Variants in VPS35 observed in about 807,000 individuals in gnomAD.
VPS35 encodes the protein vacuolar protein sorting-associated protein 35.
Under a neutral mutation model 98.1 loss-of-function variants are expected in VPS35, and 21 were observed. The observed-to-expected ratio is 0.21, with a 90% CI of 0.15 to 0.31. The LOEUF (loss-of-function observed/expected upper bound fraction) is 0.31, where lower values mean the gene tolerates loss of function less well. Among genes scored for constraint, VPS35 ranks in the 10% least tolerant of loss-of-function variants. VPS35 has a pLI of 1.00. For missense variants in VPS35, 554 were observed against 950.8 expected (o/e 0.58, Z 5.49); for synonymous variants, 268 against 318.2 (o/e 0.84, Z 1.68).
At chr16:46,688,834 A>C in intron 1 of VPS35, 2 of 1,397,764 alleles carry the variant, frequency 1.4e-6, no homozygotes, top group Non-Finnish European at 1.9e-6. Context: ...GATTCCACTT[A>C]AAGGAGGCCG....
chr16:46,678,305 TAAAAAAAAA>T (rs58288436), intron 6 of VPS35, among the ~76,000 whole-genome samples: 1,515 of 119,312 alleles, frequency 0.013, 28 homozygotes, highest in African/African-American at 0.036. Flanking sequence ...TGATGAGCTT[TAAAAAAAAA>T]AAAAAAAAAA....
intron 13 of VPS35, among the ~76,000 whole-genome samples, chr16:46,664,533 T>A (rs1450725144): frequency 2.0e-5 from 3 of 151,950 alleles, no homozygotes; most frequent in Non-Finnish European, 4.4e-5. Flanking sequence ...TTCTTTTTTT[T>A]TTTTTGAGAA....
At chr16:46,672,179 C>G in intron 11 of VPS35, 86 bp downstream of exon 11, 1 of 1,150,166 alleles carries the variant, frequency 8.7e-7, no homozygotes. Flanking sequence ...TATTGAATTA[C>G]CCTCCCCTCC....
rs533970325 is a variant in VPS35 at position 46,658,679 on chromosome 16, C to T, written c.*1793G>A. The T allele has an allele frequency of 1.3e-4, 20 of 152,468 alleles. No homozygotes were observed. The highest frequency in any genetic ancestry group is 5.2e-4 in the Admixed American group (8 of 15,290). The allele number at this position is 152,468 out of a possible 1,614,324, so 9.4% of individuals were successfully genotyped here. A position where few individuals can be genotyped will look rare whatever the true frequency, so the allele number is the denominator to read the frequency against. On this transcript the variant is annotated 3_prime_UTR_variant, in exon 17 of 17. Transcript: ENST00000299138. ...ATGTCAAGCCATAATCAGGTTTATA[C>T]GGGGTAAACTAACACCTACAAAGAA... is the stretch of plus-strand genomic sequence containing the variant.
chr16:46,669,020 A>G lies in VPS35; in HGVS notation c.1557T>C (p.Ala519=), dbSNP rs1463376876. ...TGAAGCGAATCCGCTGATTTCCACC[A>G]GCTCCAAAATGTTTTCGTGCTGTGT... ...ILNTARKHFG[A]GGNQRIRFTL... The change falls in exon 13 of 17, where the codon GCT becomes GCC. Residue 519 remains alanine (A), a synonymous_variant. Coordinates refer to ENST00000299138, the MANE Select transcript of VPS35 (RefSeq NM_018206.6). 2 of 1,614,202 alleles carry G rather than the reference A, an allele frequency of 1.2e-6. No homozygotes were observed. Among genetic ancestry groups the G allele is most frequent in the Non-Finnish European group, 1.7e-6 (2 of 1,180,032 alleles).
rs138023096 is a variant in VPS35, at chr16:46,667,410, G to A, written c.1647+1520C>T. Among the ~76,000 whole-genome samples, 27 of 152,178 alleles carry A rather than the reference G, an allele frequency of 1.8e-4. No homozygotes were observed. The East Asian group carries it at 5.0e-3, about 28-fold the overall frequency. On this transcript the variant is annotated intron_variant, in intron 13 of 16. Transcript: ENST00000299138. Reference sequence around the variant, plus strand: ...AATATTCTCCCCCATTCCATTGCCTGTCTCTTCACTCTGCTGATTGTTTCC... The same window carrying A: ...AATATTCTCCCCCATTCCATTGCCTATCTCTTCACTCTGCTGATTGTTTCC...
rs143556068 is a variant in VPS35 at position 46,671,876 on chromosome 16, C to A, written c.1369-16G>T. The A allele has an allele frequency of 2.6e-5, 42 of 1,611,832 alleles. No individual in the cohort carries two copies. Among genetic ancestry groups the A allele is most frequent in the Non-Finnish European group, 3.4e-5 (40 of 1,179,796 alleles). Reference sequence around the variant, plus strand: ...TGGAATCCACCTGTAACATGCGAGGCACAAGAAACCCACTGAGGTGAAACC... The same window carrying A: ...TGGAATCCACCTGTAACATGCGAGGAACAAGAAACCCACTGAGGTGAAACC... On this transcript the variant is annotated splice_polypyrimidine_tract_variant and intron_variant, in intron 11 of 16. Transcript: ENST00000299138.
At chr16:46,685,580 C>A (rs1966298091) in intron 1 of VPS35, among the ~76,000 whole-genome samples, 1 of 152,246 alleles carries the variant, frequency 6.6e-6, no homozygotes, top group South Asian at 2.1e-4. Flanking sequence ...TTAAAGGGAA[C>A]ATGAATTTAA....
intron 1 of VPS35, among the ~76,000 whole-genome samples, chr16:46,687,446 C>A (rs1966334344): frequency 6.6e-6 from 1 of 152,206 alleles, no homozygotes; most frequent in Admixed American, 6.5e-5. Flanking sequence ...AATACCTTTT[C>A]TTTCCACCTG....
At chr16:46,688,550 C>T in intron 1 of VPS35, 1 of 993,046 alleles carries the variant, frequency 1.0e-6, no homozygotes, top group Non-Finnish European at 1.2e-6. Flanking sequence ...AGAAGACAGC[C>T]TGAGTCCTTC....
At position 46,659,487 on chromosome 16, in the gene VPS35, G is replaced by C. The variant is rs542697419; in HGVS notation, c.*985C>G. The C allele has an allele frequency of 2.0e-5, 3 of 152,082 alleles. No individual in the cohort carries two copies. Among genetic ancestry groups the C allele is most frequent in the Non-Finnish European group, 2.9e-5 (2 of 68,040 alleles). 9.4% of individuals were successfully genotyped at this position (152,082 alleles called of 1,614,324 possible). ...ATTCATCATGCCTTGGGAAAAGCAG[G>C]GTAAAGTTGAGGAAAGAAAAGGGGT... is the stretch of plus-strand genomic sequence containing the variant. On this transcript the variant is annotated 3_prime_UTR_variant, in exon 17 of 17. Coordinates refer to ENST00000299138, the MANE Select transcript of VPS35 (RefSeq NM_018206.6).
Position 46,660,401 on chromosome 16 carries a change from G to T in VPS35, c.*71C>A. ...GCATTTCTGAAAGGCACAATCTATG[G>T]AAGGGAAACCTAGCGTAATAAAACC... is the stretch of plus-strand genomic sequence containing the variant. On this transcript the variant is annotated 3_prime_UTR_variant, in exon 17 of 17. Transcript: ENST00000299138. The T allele has an allele frequency of 6.3e-7, 1 of 1,586,666 alleles. No individual in the cohort carries two copies. The highest frequency in any genetic ancestry group is 8.6e-7 in the Non-Finnish European group (1 of 1,163,800).
In VPS35 at chr16:46,656,260, GGGAA is replaced by G. The variant is rs1376129729; in HGVS notation, c.*4208_*4211del. 1 of 152,184 alleles carries G rather than the reference GGGAA, an allele frequency of 6.6e-6. No individual in the cohort carries two copies. The highest frequency in any genetic ancestry group is 6.5e-5 in the Admixed American group (1 of 15,286). 9.4% of individuals were successfully genotyped at this position (152,184 alleles called of 1,614,324 possible). On this transcript the variant is annotated 3_prime_UTR_variant, in exon 17 of 17. Coordinates refer to ENST00000299138, the MANE Select transcript of VPS35 (RefSeq NM_018206.6). The stretch of plus-strand genomic sequence containing the variant: ...CTCCTCTTGTCTTTGCTCTGCACAT[GGGAA>G]GATAAACTCGTAATGAACATTATCA...
chr16:46,688,959 C>G, intron 1 of VPS35, 172 bp downstream of exon 1: 1 of 1,503,472 alleles, frequency 6.7e-7, no homozygotes, highest in Non-Finnish European at 8.9e-7. Flanking sequence ...CCGGATCAGC[C>G]TGCCCGCGGC....
At chr16:46,666,216 C>A (rs944976792) in intron 13 of VPS35, among the ~76,000 whole-genome samples, 2 of 151,492 alleles carry the variant, frequency 1.3e-5, no homozygotes, top group East Asian at 2.0e-4. Context: ...GCCCTAGCCT[C>A]TTGAGTAGCT....
intron 5 of VPS35, among the ~76,000 whole-genome samples, chr16:46,679,445 A>C (rs913443923): frequency 1.3e-5 from 2 of 152,188 alleles, no homozygotes; most frequent in Non-Finnish European, 2.9e-5. Flanking sequence ...AAAGGCTAGA[A>C]GGATGGGCAT....
rs1213284889 is a variant in VPS35, at chr16:46,659,216, A to AGCCAGGTC, written c.*1248_*1255dup. ...AGAGGAACTGGGGCCTCTGCCTAAC[A>AGCCAGGTC]GCCAGGTCAGTGAGCAGAAAAGTCA... is the stretch of plus-strand genomic sequence containing the variant. On this transcript the variant is annotated 3_prime_UTR_variant, in exon 17 of 17. Transcript: ENST00000299138. 6.6e-6 allele frequency: 1 copy of AGCCAGGTC among 152,360 alleles called. No homozygotes were observed. The highest frequency in any genetic ancestry group is 1.5e-5 in the Non-Finnish European group (1 of 68,154). 9.4% of individuals were successfully genotyped at this position (152,360 alleles called of 1,614,324 possible). A position where few individuals can be genotyped will look rare whatever the true frequency, so the allele number is the denominator to read the frequency against.
chr16:46,683,750 A>G, intron 1 of VPS35, 144 bp from the exon 2 acceptor site: 1 of 830,474 alleles, frequency 1.2e-6, no homozygotes, highest in Non-Finnish European at 2.0e-6. Flanking sequence ...TTTGAGACGG[A>G]GTCTAGCTCT....
rs1966030189 is a variant in VPS35, at chr16:46,669,041, T to C, written c.1536A>G (p.Thr512=). Residue 512 remains threonine, a synonymous_variant, in exon 13 of 17, where the codon ACA becomes ACG. Coordinates refer to ENST00000299138, the MANE Select transcript of VPS35 (RefSeq NM_018206.6). ...CACCAGCTCCAAAATGTTTTCGTGC[T>C]GTGTTCAAAATCTGACCCAAAAGCA... The part of the protein sequence containing the change: ...DPDQQYLILN[T]ARKHFGAGGN... The C allele has an allele frequency of 6.2e-7, 1 of 1,614,164 alleles. No homozygotes were observed. The highest frequency in any genetic ancestry group is 8.5e-7 in the Non-Finnish European group (1 of 1,180,018).
Sources: gnomAD v4.1 joint callset for allele counts (sites outside exome capture counted in the v4.1 genomes callset) on GRCh38, gnomAD v4.1.1 for gene constraint, MANE v1.5 for transcripts, NCBI Gene and HGNC (gene_info 2026-07-23, HGNC 2026-07-21) for gene names.